NCOA6: variants seen among roughly 807,000 people sequenced by gnomAD.
The protein encoded by NCOA6 is NRC RAP250.
Under a neutral mutation model 171.4 loss-of-function variants are expected in NCOA6, and 49 were observed. The ratio of observed to expected loss-of-function variants is 0.29; its 90% confidence interval spans 0.23 to 0.36. NCOA6 has a LOEUF of 0.36. Among genes scored for constraint, NCOA6 ranks in the 10% least tolerant of loss-of-function variants. The pLI is 1.00. For synonymous variants in NCOA6, 910 were observed against 927.5 expected, an observed-to-expected ratio of 0.98 and a Z score of 0.34; for missense variants, 2,248 against 2,554.5, an observed-to-expected ratio of 0.88 and a Z score of 2.59.
At chr20:34,744,155 T>C (rs1384010835) in intron 10 of NCOA6, among the ~76,000 whole-genome samples, 1 of 152,196 alleles carries the variant, frequency 6.6e-6, no homozygotes, top group Non-Finnish European at 1.5e-5. Context: ...TGGAGAAATA[T>C]TTTCCATGAA....
intron 1 of NCOA6, among the ~76,000 whole-genome samples, chr20:34,805,109 C>A (rs182128405): frequency 6.6e-5 from 10 of 151,664 alleles, no homozygotes; most frequent in African/African-American, 2.4e-4. Flanking sequence ...TACAATCTCA[C>A]CTTACTGCAA....
Position 34,757,823 on chromosome 20 carries a change from G to A in NCOA6, c.925C>T (p.Pro309Ser). Residue 309 changes from proline to serine, a missense_variant, in exon 7 of 15, where the codon CCA (proline) becomes TCA (serine). By Grantham distance (74) the Pro-to-Ser change is moderately conservative. Coordinates refer to ENST00000359003, the MANE Select transcript of NCOA6 (RefSeq NM_014071.5). ...PQGIRPQFTA[P>S]TQVPVPPGWN... Reference sequence around the variant, plus strand: ...CCTGGAGGAACAGGCACCTGAGTTGGGGCAGTAAACTGGGGTCGAATTCCC... The same window carrying A: ...CCTGGAGGAACAGGCACCTGAGTTGAGGCAGTAAACTGGGGTCGAATTCCC... The A allele has an allele frequency of 6.2e-7, 1 of 1,614,134 alleles. No homozygotes were observed. The highest frequency in any genetic ancestry group is 8.5e-7 in the Non-Finnish European group (1 of 1,180,030).
chr20:34,796,161 C>T (rs1026624299), intron 1 of NCOA6, among the ~76,000 whole-genome samples: 2 of 151,714 alleles, frequency 1.3e-5, no homozygotes, highest in Admixed American at 6.6e-5. Flanking sequence ...GGTGCACAAC[C>T]ACCATGCCCA....
chr20:34,716,076 C>T (rs899211499), intron 14 of NCOA6, among the ~76,000 whole-genome samples: 2 of 151,954 alleles, frequency 1.3e-5, no homozygotes, highest in Non-Finnish European at 2.9e-5. Flanking sequence ...AAAAACTAGC[C>T]GGGCGTGGTG....
chr20:34,782,008 T>A (rs1275338630), intron 3 of NCOA6, 113 bp downstream of exon 3: 1 of 709,090 alleles, frequency 1.4e-6, no homozygotes, highest in African/African-American at 1.8e-5. Context: ...TGTGCTTAAA[T>A]TCAGCCTTTT....
At chr20:34,721,027 C>A (rs1600720208) in intron 14 of NCOA6, among the ~76,000 whole-genome samples, 1 of 152,046 alleles carries the variant, frequency 6.6e-6, no homozygotes, top group South Asian at 2.1e-4. Context: ...TTTTGTCCCA[C>A]GTTCCTGGCT....
chr20:34,747,011 C>T, intron 9 of NCOA6, 83 bp from the exon 10 acceptor site: 1 of 1,299,722 alleles, frequency 7.7e-7, no homozygotes, highest in Non-Finnish European at 1.0e-6. Flanking sequence ...AACCCTTCCC[C>T]TATTTCTGAA....
intron 1 of NCOA6, among the ~76,000 whole-genome samples, chr20:34,801,999 G>A (rs530101082): frequency 6.6e-6 from 1 of 152,054 alleles, no homozygotes; most frequent in African/African-American, 2.4e-5. Context: ...AATCCTACTC[G>A]ACCTATTCCA....
chr20:34,741,704 G>A lies in NCOA6; in HGVS notation c.4552C>T (p.Pro1518Ser), dbSNP rs1323754268. Reference protein sequence around the residue: ...PGLTDLEVTPPVVSGEDLKKA... With the variant: ...PGLTDLEVTPSVVSGEDLKKA... ...TTGAGGTCCTCCCCAGAAACTACTGGAGGTGTTACTTCCAGATCTGTAAGC... is the reference window on the plus strand; with the variant it reads ...TTGAGGTCCTCCCCAGAAACTACTGAAGGTGTTACTTCCAGATCTGTAAGC... The change falls in exon 11 of 15, where the codon CCA becomes TCA. Residue 1518 changes from proline to serine, a missense_variant. This residue lies in a region of NCOA6 where 884 missense variants were observed against 941.9 expected (regional missense o/e 0.94). Transcript: ENST00000359003. 6.2e-7 allele frequency: 1 copy of A among 1,614,212 alleles called. No homozygotes were observed.
chr20:34,715,438 A>T, intron 14 of NCOA6, 73 bp from the exon 15 acceptor site: 1 of 1,141,430 alleles, frequency 8.8e-7, no homozygotes, highest in East Asian at 2.4e-5. Context: ...AGTCCACAAC[A>T]AGCAGGGCAG....
intron 2 of NCOA6, among the ~76,000 whole-genome samples, 154 bp downstream of exon 2, chr20:34,792,296 C>T (rs2077911205): frequency 6.7e-6 from 1 of 149,426 alleles, no homozygotes. Context: ...CATTTAAAAA[C>T]AGAAGAATAG....
Position 34,750,427 on chromosome 20 carries a change from T to C in NCOA6, c.1768A>G (p.Asn590Asp), listed in dbSNP as rs1290193840. The change falls in exon 9 of 15, where the codon AAC (asparagine) becomes GAC (aspartate). Residue 590 changes from asparagine (N) to aspartate (D), a missense_variant. By Grantham distance (23) the Asn-to-Asp change is conservative. This residue lies in a region of NCOA6 where 987 missense variants were observed against 1,104.7 expected (regional missense o/e 0.89). Transcript: ENST00000359003. ...MQPSLMGIHGNMNNQQAGTSG... is the reference protein window; with the variant it reads ...MQPSLMGIHGDMNNQQAGTSG... Reference sequence around the variant, plus strand: ...GTACCAGCCTGCTGATTGTTCATGTTGCCATGAATTCCCATGAGGCTGGGC... The same window carrying C: ...GTACCAGCCTGCTGATTGTTCATGTCGCCATGAATTCCCATGAGGCTGGGC... The C allele has an allele frequency of 1.2e-6, 2 of 1,614,098 alleles. No homozygotes were observed. Among genetic ancestry groups the C allele is most frequent in the Non-Finnish European group, 1.7e-6 (2 of 1,180,020 alleles).
Position 34,758,904 on chromosome 20 carries a change from C to T in NCOA6, c.544G>A (p.Val182Ile), listed in dbSNP as rs373273395. The T allele has an allele frequency of 1.2e-6, 2 of 1,613,730 alleles. No individual in the cohort carries two copies. Among genetic ancestry groups the T allele is most frequent in the Admixed American group, 1.7e-5 (1 of 59,962 alleles). Residue 182 changes from valine (V) to isoleucine (I), a missense_variant, in exon 6 of 15, where the codon GTT becomes ATT. Val to Ile is a conservative substitution (Grantham distance 29). This residue lies in a region of NCOA6 where 987 missense variants were observed against 1,104.7 expected (regional missense o/e 0.89). Coordinates refer to ENST00000359003, the MANE Select transcript of NCOA6 (RefSeq NM_014071.5). ...GIIRMNNPAT[V>I]MIPPGGNVSS... ...ACATTTCCACCCGGGGGTATCATAA[C>T]AGTGGCAGGGTTGTTCATCCTTATT...
At chr20:34,732,494 A>T (rs2075817153) in intron 13 of NCOA6, 65 bp downstream of exon 13, 2 of 1,489,952 alleles carry the variant, frequency 1.3e-6, no homozygotes, top group Non-Finnish European at 1.9e-6. Flanking sequence ...AGACTGAGAC[A>T]GCTGATACCT....
chr20:34,758,031 T>A lies in NCOA6; in HGVS notation c.717A>T (p.Pro239=). ...QSHPSGSLAP[P]HHPMQPVSVN... Reference sequence around the variant, plus strand: ...CAGAGACAGGCTGCATTGGGTGATGTGGGGGAGCTAAAGATCCTGAGGGAT... The same window carrying A: ...CAGAGACAGGCTGCATTGGGTGATGAGGGGGAGCTAAAGATCCTGAGGGAT... The change falls in exon 7 of 15, where the codon CCA becomes CCT. Residue 239 remains proline (P), a synonymous_variant. Transcript: ENST00000359003. 6.2e-7 allele frequency: 1 copy of A among 1,614,012 alleles called. No individual in the cohort carries two copies. Among genetic ancestry groups the A allele is most frequent in the Non-Finnish European group, 8.5e-7 (1 of 1,180,006 alleles).
intron 3 of NCOA6, among the ~76,000 whole-genome samples, chr20:34,777,487 C>T (rs1422640195): frequency 1.3e-5 from 2 of 151,732 alleles, no homozygotes; most frequent in Non-Finnish European, 2.9e-5. Context: ...TGGTGGTGCA[C>T]ACCTGTAGTC....
At chr20:34,767,676 G>C (rs2077021332) in intron 5 of NCOA6, among the ~76,000 whole-genome samples, 1 of 152,172 alleles carries the variant, frequency 6.6e-6, no homozygotes, top group African/African-American at 2.4e-5. Flanking sequence ...GGAGGGGAAT[G>C]ACTGGGTAAG....
chr20:34,769,445 C>A (rs1222910623), intron 4 of NCOA6, among the ~76,000 whole-genome samples: 1 of 150,618 alleles, frequency 6.6e-6, no homozygotes, highest in Non-Finnish European at 1.5e-5. Context: ...CTCACTGCAA[C>A]CTTCATCTCC....
rs778171557 is a variant in NCOA6, at chr20:34,782,218, G to A, written c.138C>T (p.Ser46=). 2 of 1,612,262 alleles carry A rather than the reference G, an allele frequency of 1.2e-6. No homozygotes were observed. Among genetic ancestry groups the A allele is most frequent in the East Asian group, 4.5e-5 (2 of 44,732 alleles). The change falls in exon 3 of 15, where the codon TCC becomes TCT. Residue 46 remains serine, a synonymous_variant. Coordinates refer to ENST00000359003, the MANE Select transcript of NCOA6 (RefSeq NM_014071.5). ...DTKSDSILED[S]TIFVAFKGNI... is the part of the protein sequence containing the mutation. ...TTCCTTTGAAGGCCACAAAAATTGT[G>A]GAATCCTCCAAAATACTATCACTTT...
Sources: gnomAD v4.1 joint callset for allele counts (sites outside exome capture counted in the v4.1 genomes callset) on GRCh38, gnomAD v4.1.1 for gene constraint, gnomAD v4.1.1 regional missense constraint, MANE v1.5 for transcripts, NCBI Gene and HGNC (gene_info 2026-07-23, HGNC 2026-07-21) for gene names.